CTNNA2: variants seen among roughly 807,000 people sequenced by gnomAD.
CTNNA2 encodes catenin alpha-2.
CTNNA2 carries 42 observed loss-of-function variants against 101.0 expected under a neutral mutation model. The ratio of observed to expected loss-of-function variants is 0.42; its 90% CI spans 0.32 to 0.54. The LOEUF (loss-of-function observed/expected upper bound fraction) is 0.54. Among genes scored for constraint, CTNNA2 ranks in the 20% least tolerant of loss-of-function variants. The pLI, the probability that CTNNA2 is intolerant of heterozygous loss-of-function variation, is 0.14. For synonymous variants in CTNNA2, 450 were observed against 456.4 expected (o/e 0.99, Z 0.18); for missense variants, 871 against 1,223.1 (o/e 0.71, Z 4.29).
At chr2:80,268,603 A>C (rs1673203922) in intron 7 of CTNNA2, among the ~76,000 whole-genome samples, 1 of 152,158 alleles carries the variant, frequency 6.6e-6, no homozygotes, top group Non-Finnish European at 1.5e-5. Flanking sequence ...ACATAACTTT[A>C]CTACCTCAGC....
intron 4 of CTNNA2, among the ~76,000 whole-genome samples, chr2:79,436,294 A>G (rs1678712808): frequency 6.6e-6 from 1 of 152,202 alleles, no homozygotes; most frequent in Non-Finnish European, 1.5e-5. Context: ...AGTGATTGGA[A>G]ATTATTTGGA....
chr2:80,473,110 C>T (rs1318811923), intron 9 of CTNNA2, among the ~76,000 whole-genome samples: 1 of 152,150 alleles, frequency 6.6e-6, no homozygotes. Context: ...TAAGAAGCAC[C>T]TGCATCCTTA....
intron 7 of CTNNA2, among the ~76,000 whole-genome samples, chr2:80,258,515 A>G (rs1274782732): frequency 6.6e-6 from 1 of 152,138 alleles, no homozygotes; most frequent in Non-Finnish European, 1.5e-5. Context: ...GATGGGAGTG[A>G]GATTATGGTA....
At chr2:79,305,322 A>G (rs1676210693) in intron 2 of CTNNA2, among the ~76,000 whole-genome samples, 2 of 146,152 alleles carry the variant, frequency 1.4e-5, no homozygotes, top group African/African-American at 5.1e-5. Context: ...ATACACATAT[A>G]TATACATATA....
At chr2:80,558,078 A>G (rs191099426) in intron 12 of CTNNA2, among the ~76,000 whole-genome samples, 1 of 152,304 alleles carries the variant, frequency 6.6e-6, no homozygotes, top group Admixed American at 6.5e-5. Flanking sequence ...GATTTATTGA[A>G]GTTAACTAGG....
chr2:80,124,799 A>T (rs1702028185), intron 7 of CTNNA2, among the ~76,000 whole-genome samples: 1 of 152,124 alleles, frequency 6.6e-6, no homozygotes, highest in Non-Finnish European at 1.5e-5. Flanking sequence ...GCAATCTTTG[A>T]GAGTCCTCAA....
intron 15 of CTNNA2, among the ~76,000 whole-genome samples, chr2:80,598,358 G>T (rs926027365): frequency 6.6e-6 from 1 of 151,964 alleles, no homozygotes; most frequent in African/African-American, 2.4e-5. Flanking sequence ...CACATGCGGG[G>T]CTTAAAACCT....
intron 18 of CTNNA2, among the ~76,000 whole-genome samples, chr2:80,635,317 A>T (rs1672764381): frequency 6.6e-6 from 1 of 152,144 alleles, no homozygotes; most frequent in African/African-American, 2.4e-5. Context: ...AGACAGAAAA[A>T]GTTCAATTAT....
intron 3 of CTNNA2, among the ~76,000 whole-genome samples, chr2:79,341,236 C>T (rs1217335616): frequency 6.6e-6 from 1 of 152,070 alleles, no homozygotes; most frequent in Non-Finnish European, 1.5e-5. Flanking sequence ...GAATAAGATT[C>T]AGACCTTAGC....
chr2:79,669,925 G>A (rs534284890), intron 2 of CTNNA2, among the ~76,000 whole-genome samples: 1 of 152,292 alleles, frequency 6.6e-6, no homozygotes, highest in Non-Finnish European at 1.5e-5. Flanking sequence ...TGGCAGCCCA[G>A]CCCCCAGCCA....
At chr2:80,393,383 T>C in intron 8 of CTNNA2, 92 bp downstream of exon 8, 1 of 891,812 alleles carries the variant, frequency 1.1e-6, no homozygotes, top group Non-Finnish European at 1.8e-6. Flanking sequence ...GAGATGACAA[T>C]GAGGTTGTTA....
chr2:80,567,456 G>A lies in CTNNA2; in HGVS notation c.1742-6707G>A, dbSNP rs139443154. Among the ~76,000 whole-genome samples the A allele has an allele frequency of 2.4e-3, 360 of 152,224 alleles. 3 individuals carry two copies. Among genetic ancestry groups the A allele is most frequent in the African/African-American group, 7.2e-3 (300 of 41,536 alleles). ...GTCAAGGCACACCCCGTGCCTTATA[G>A]ATGCCAGTCAGAGTCCCCTTTGGGC... is the stretch of plus-strand genomic sequence containing the variant. On this transcript the variant is annotated intron_variant, in intron 12 of 18. Transcript: ENST00000402739.
chr2:79,688,671 A>T (rs1684096568), intron 2 of CTNNA2, among the ~76,000 whole-genome samples: 1 of 152,056 alleles, frequency 6.6e-6, no homozygotes, highest in Admixed American at 6.6e-5. Context: ...AGTGAACAAG[A>T]TTCTCTTCTG....
At chr2:79,519,006 A>G (rs975182340) in intron 1 of CTNNA2, among the ~76,000 whole-genome samples, 7 of 152,148 alleles carry the variant, frequency 4.6e-5, no homozygotes, top group African/African-American at 1.4e-4. Flanking sequence ...AGGCAGGCAC[A>G]TCACCTGAGG....
intron 7 of CTNNA2, among the ~76,000 whole-genome samples, chr2:80,330,278 C>A (rs537942039): frequency 9.2e-5 from 14 of 152,304 alleles, no homozygotes; most frequent in African/African-American, 3.4e-4. Context: ...CTTAACAGTA[C>A]CTGCTGAGCG....
intron 7 of CTNNA2, among the ~76,000 whole-genome samples, chr2:80,035,124 G>A (rs962240535): frequency 4.6e-5 from 7 of 152,110 alleles, no homozygotes; most frequent in African/African-American, 1.4e-4. Flanking sequence ...CTCCCTATGT[G>A]TTATTTTGGG....
intron 2 of CTNNA2, among the ~76,000 whole-genome samples, chr2:79,263,259 G>C (rs1010268533): frequency 6.6e-6 from 1 of 152,108 alleles, no homozygotes; most frequent in Non-Finnish European, 1.5e-5. Flanking sequence ...GGAGGTGTTT[G>C]GGTCATGGGA....
intron 4 of CTNNA2, among the ~76,000 whole-genome samples, chr2:79,450,164 T>C: frequency 6.6e-6 from 1 of 151,700 alleles, no homozygotes; most frequent in Admixed American, 6.6e-5. Context: ...GAGAACATTT[T>C]CCTTTTTTTT....
Position 80,105,353 on chromosome 2 carries a change from C to T in CTNNA2, c.1056+195556C>T, listed in dbSNP as rs140590866. 3.6e-3 allele frequency among the ~76,000 whole-genome samples: 541 copies of T among 152,306 alleles called. 2 individuals are homozygous for T. Among genetic ancestry groups the T allele is most frequent in the African/African-American group, 0.012 (487 of 41,564 alleles). ...GTGAATTACTTATGCCAATGTTCTC[C>T]TTCTGTGGCACCAGAAGTTGAGAAT... On this transcript the variant is annotated intron_variant, in intron 7 of 18. Transcript: ENST00000402739.
Sources: gnomAD v4.1 joint callset for allele counts (sites outside exome capture counted in the v4.1 genomes callset) on GRCh38, gnomAD v4.1.1 for gene constraint, MANE v1.5 for transcripts, NCBI Gene and HGNC (gene_info 2026-07-23, HGNC 2026-07-21) for gene names.